GNAL: variants seen among roughly 807,000 people sequenced by gnomAD.
GNAL encodes G protein subunit alpha L, also known as guanine nucleotide-binding protein G(olf) subunit alpha.
Under a neutral mutation model 55.1 loss-of-function variants are expected in GNAL, and 18 were observed. The observed-to-expected ratio is 0.33, with a 90% confidence interval of 0.23 to 0.48. GNAL has a LOEUF of 0.48. Among genes scored for constraint, GNAL ranks in the 20% least tolerant of loss-of-function variants. The probability of loss-of-function intolerance (pLI) is 0.99; values close to 1 mark genes in which losing one functional copy is unlikely to be tolerated. For synonymous variants in GNAL, 253 were observed against 237.0 expected (o/e 1.07, Z -0.62); for missense variants, 412 against 614.1 (o/e 0.67, Z 3.48).
chr18:11,690,239 C>T (rs543117171), intron 1 of GNAL, among the ~76,000 whole-genome samples: 134 of 152,264 alleles, frequency 8.8e-4, no homozygotes, highest in Middle Eastern at 3.4e-3. Context: ...TGGGAAGTCT[C>T]CCCCTCGATT....
intron 1 of GNAL, among the ~76,000 whole-genome samples, chr18:11,716,222 A>G (rs975652099): frequency 2.0e-5 from 3 of 152,216 alleles, no homozygotes; most frequent in South Asian, 2.1e-4. Flanking sequence ...ACTGACTTCA[A>G]GAATGAAGCC....
chr18:11,723,996 T>C (rs1374825603), intron 1 of GNAL, among the ~76,000 whole-genome samples: 1 of 152,226 alleles, frequency 6.6e-6, no homozygotes, highest in Non-Finnish European at 1.5e-5. Context: ...GGAAAACAGC[T>C]GAGAGCCTAT....
At chr18:11,701,848 A>G (rs771854634) in intron 1 of GNAL, among the ~76,000 whole-genome samples, 1 of 152,206 alleles carries the variant, frequency 6.6e-6, no homozygotes, top group Non-Finnish European at 1.5e-5. Context: ...CCAGCCATCA[A>G]AGTGCTCCAC....
chr18:11,765,784 A>G (rs888149763), intron 4 of GNAL, among the ~76,000 whole-genome samples: 1 of 152,090 alleles, frequency 6.6e-6, no homozygotes, highest in Non-Finnish European at 1.5e-5. Context: ...GTATTTGTGT[A>G]CCATTTTTTT....
rs2031160736 is a variant in GNAL at position 11,689,386 on chromosome 18, C to G, written c.-178C>G. ...CAGTGAGGGGCTGTGGCCCTCGGCCCCGGCCTGCCGCACCCCCTTCCCGCA... is the reference window on the plus strand; with the variant it reads ...CAGTGAGGGGCTGTGGCCCTCGGCCGCGGCCTGCCGCACCCCCTTCCCGCA... On this transcript the variant is annotated 5_prime_UTR_variant, in exon 1 of 12. Coordinates refer to ENST00000334049, the MANE Select transcript of GNAL (RefSeq NM_182978.4). The G allele has an allele frequency of 2.8e-6, 1 of 356,768 alleles. No individual in the cohort carries two copies. 22.1% of individuals were successfully genotyped at this position (356,768 alleles called of 1,614,324 possible). A position where few individuals can be genotyped will look rare whatever the true frequency, so the allele number is the denominator to read the frequency against.
At chr18:11,846,174 T>C (rs2035730489) in intron 5 of GNAL, among the ~76,000 whole-genome samples, 1 of 152,036 alleles carries the variant, frequency 6.6e-6, no homozygotes, top group African/African-American at 2.4e-5. Flanking sequence ...TGGTAAGTTG[T>C]TCAGTGTAAA....
At position 11,868,793 on chromosome 18, in the gene GNAL, T is replaced by C. The variant is rs1274200403; in HGVS notation, c.1031+130T>C. 1 of 687,990 alleles carries C rather than the reference T, an allele frequency of 1.5e-6. No homozygotes were observed. The highest frequency in any genetic ancestry group is 2.4e-6 in the Non-Finnish European group (1 of 420,132). The allele number at this position is 687,990 out of a possible 1,614,324, so 42.6% of individuals were successfully genotyped here. A position where few individuals can be genotyped will look rare whatever the true frequency, so the allele number is the denominator to read the frequency against. ...TGGGAGGCCGAGGCAGGTGTGTCAC[T>C]TGAGCTCAGCAGTTGGAGACTAGCC... On this transcript the variant is annotated intron_variant, in intron 9 of 11. Transcript: ENST00000334049. The surrounding 1 kb of genome is among the most constrained non-coding windows in gnomAD (Gnocchi z 4.0).
intron 4 of GNAL, among the ~76,000 whole-genome samples, chr18:11,755,146 T>C (rs529331705): frequency 6.6e-6 from 1 of 152,290 alleles, no homozygotes; most frequent in South Asian, 2.1e-4. Context: ...GAAACCAATA[T>C]GTAAAACAGA....
intron 5 of GNAL, among the ~76,000 whole-genome samples, chr18:11,849,417 G>A (rs767932851): frequency 6.6e-6 from 1 of 151,412 alleles, no homozygotes; most frequent in South Asian, 2.1e-4. Flanking sequence ...CAGGAGAATC[G>A]CGTGAACCCA....
chr18:11,880,913 G>A, intron 11 of GNAL, 76 bp from the exon 12 acceptor site: 1 of 1,479,070 alleles, frequency 6.8e-7, no homozygotes, highest in South Asian at 1.2e-5. Context: ...TCCAGCACCT[G>A]CTCAGCGTGG....
chr18:11,880,339 T>C lies in GNAL; in HGVS notation c.1231-650T>C, dbSNP rs190834382. Among the ~76,000 whole-genome samples the C allele has an allele frequency of 7.5e-3, 1,087 of 145,114 alleles. 9 individuals carry two copies. Among genetic ancestry groups the C allele is most frequent in the East Asian group, 0.044 (173 of 3,928 alleles). Reference sequence around the variant, plus strand: ...ATCCCAGCACTTTGGGAGGCCGAGGTGGGCGGATCACTTGAGGTCAGGAGT... The same window carrying C: ...ATCCCAGCACTTTGGGAGGCCGAGGCGGGCGGATCACTTGAGGTCAGGAGT... On this transcript the variant is annotated intron_variant, in intron 11 of 11. Coordinates refer to ENST00000334049, the MANE Select transcript of GNAL (RefSeq NM_182978.4).
At chr18:11,791,971 G>A (rs918986210) in intron 4 of GNAL, among the ~76,000 whole-genome samples, 7 of 152,142 alleles carry the variant, frequency 4.6e-5, no homozygotes, top group African/African-American at 1.4e-4. Context: ...TAATCATTTT[G>A]ATTATGACTA....
chr18:11,761,186 G>C (rs1334458363), intron 4 of GNAL, among the ~76,000 whole-genome samples: 3 of 152,250 alleles, frequency 2.0e-5, no homozygotes, highest in Admixed American at 2.0e-4. Context: ...GCACCCCTTA[G>C]CTGTCACCGC....
chr18:11,829,265 G>T (rs1022179436), intron 5 of GNAL, among the ~76,000 whole-genome samples: 2 of 152,130 alleles, frequency 1.3e-5, no homozygotes, highest in African/African-American at 4.8e-5. Context: ...CACTATCCTA[G>T]GCTAATTGTA....
At chr18:11,720,313 T>C (rs8098500) in intron 1 of GNAL, among the ~76,000 whole-genome samples, 1,979 of 152,278 alleles carry the variant, frequency 0.013, 40 homozygotes, top group African/African-American at 0.045. Flanking sequence ...AAAACAAAAA[T>C]AATTGTGTAC....
intron 4 of GNAL, among the ~76,000 whole-genome samples, chr18:11,817,693 G>T (rs1259252379): frequency 1.3e-5 from 2 of 151,878 alleles, no homozygotes; most frequent in Non-Finnish European, 2.9e-5. Context: ...AGGTTCCAGT[G>T]ATCTCCTGTC....
intron 4 of GNAL, among the ~76,000 whole-genome samples, chr18:11,812,866 T>C (rs1377224045): frequency 6.6e-6 from 1 of 150,388 alleles, no homozygotes; most frequent in African/African-American, 2.4e-5. Flanking sequence ...AAGAAATAAA[T>C]AACATCCAAA....
In GNAL at chr18:11,788,914, A is replaced by AATATATATATAT. The variant is rs766675246; in HGVS notation, c.624+34981_624+34992dup. ...TCCGTCTCGAAAAAAAAAAAAAAAAAATATATATATATATATATATATACA... is the reference window on the plus strand; with the variant it reads ...TCCGTCTCGAAAAAAAAAAAAAAAAAATATATATATATATATATATATATATATATATATACA... On this transcript the variant is annotated intron_variant, in intron 4 of 11. Transcript: ENST00000334049. 4.6e-4 allele frequency among the ~76,000 whole-genome samples: 26 copies of AATATATATATAT among 56,282 alleles called. 1 individual carries two copies. The highest frequency in any genetic ancestry group is 2.1e-3 in the East Asian group (3 of 1,410). 36.9% of individuals were successfully genotyped at this position (56,282 alleles called of 152,430 possible).
At chr18:11,747,430 G>T (rs2143056024) in intron 1 of GNAL, 1 of 173,556 alleles carries the variant, frequency 5.8e-6, no homozygotes, top group South Asian at 1.5e-4. Flanking sequence ...TAAAGCCAAA[G>T]AAGTCTGTTC....
Sources: gnomAD v4.1 joint callset for allele counts (sites outside exome capture counted in the v4.1 genomes callset) on GRCh38, gnomAD v4.1.1 for gene constraint, Gnocchi (gnomAD v3.1) non-coding constraint, MANE v1.5 for transcripts, NCBI Gene and HGNC (gene_info 2026-07-23, HGNC 2026-07-21) for gene names.